The following RBFOX3 variants were observed in gnomAD, a reference collection of about 807,000 sequenced individuals.
The protein encoded by RBFOX3 is RNA binding protein fox-1 homolog 3.
A neutral mutation model predicts 48.7 loss-of-function variants in RBFOX3; 17 were observed. The ratio of observed to expected loss-of-function variants is 0.35; its 90% CI spans 0.24 to 0.52. The LOEUF (loss-of-function observed/expected upper bound fraction) is 0.52, where lower values mean the gene tolerates loss of function less well. RBFOX3 is among the 20% of genes least tolerant of loss of function. RBFOX3 has a pLI of 0.94. For missense variants in RBFOX3, 382 were observed against 497.5 expected, an observed-to-expected ratio of 0.77 and a Z score of 2.21; for synonymous variants, 212 against 209.5, an observed-to-expected ratio of 1.01 and a Z score of -0.10.
At chr17:79,099,876 C>G (rs1274834005) in intron 9 of RBFOX3, 1 of 152,254 alleles carries the variant, frequency 6.6e-6, no homozygotes, top group African/African-American at 2.4e-5. Flanking sequence ...CCACCCCCAA[C>G]TGATGAATTC....
chr17:79,101,387 G>A (rs1343030900), intron 9 of RBFOX3, among the ~76,000 whole-genome samples, 197 bp downstream of exon 9: 1 of 152,174 alleles, frequency 6.6e-6, no homozygotes. Context: ...AGGGGTGAGT[G>A]GCCCCCAGCT....
rs144808219 is a variant in RBFOX3, at chr17:79,231,958, G to A, written c.-34+3808C>T. Among the ~76,000 whole-genome samples the A allele has an allele frequency of 3.2e-3, 482 of 152,246 alleles. 3 individuals carry two copies. Among genetic ancestry groups the A allele is most frequent in the East Asian group, 0.015 (80 of 5,176 alleles). On this transcript the variant is annotated intron_variant, in intron 4 of 14. Transcript: ENST00000693108. ...AGTTGACTCACAGTTCCACATGGCC[G>A]GGGAGGCCTCAAGAAACTTACAATC...
chr17:79,146,376 A>T (rs1477532792), intron 4 of RBFOX3, among the ~76,000 whole-genome samples: 1 of 152,220 alleles, frequency 6.6e-6, no homozygotes, highest in East Asian at 1.9e-4. Flanking sequence ...AGGGGCCGGC[A>T]GGCCCCCGTT....
At chr17:79,255,222 C>CGTGTGTGTGT (rs142604866) in intron 3 of RBFOX3, among the ~76,000 whole-genome samples, 24 of 147,520 alleles carry the variant, frequency 1.6e-4, no homozygotes, top group African/African-American at 5.3e-4. Context: ...CACATGTGTG[C>CGTGTGTGTGT]GTGTGTGTGT....
At chr17:79,605,766 C>T (rs1400456357) in intron 1 of RBFOX3, among the ~76,000 whole-genome samples, 3 of 152,342 alleles carry the variant, frequency 2.0e-5, no homozygotes, top group Admixed American at 2.0e-4. Context: ...AAGTGCTTGG[C>T]TCTTGGTCCT....
intron 2 of RBFOX3, among the ~76,000 whole-genome samples, chr17:79,358,517 G>A (rs1419131085): frequency 5.3e-5 from 8 of 152,186 alleles, no homozygotes; most frequent in Non-Finnish European, 7.3e-5. Context: ...CTGGAGTGCA[G>A]TGGCATGATC....
At position 79,252,558 on chromosome 17, in the gene RBFOX3, A is replaced by C. The variant is rs111613700; in HGVS notation, c.-73-16753T>G. The stretch of plus-strand genomic sequence containing the variant: ...GGGAGGCAGTGGACTCTCCCTCGGA[A>C]ATGAGCTCTGATGGTTCCTCGATGG... On this transcript the variant is annotated intron_variant, in intron 3 of 14. Coordinates refer to ENST00000693108, the MANE Select transcript of RBFOX3 (RefSeq NM_001350451.2). This position sits in a 1 kb window ranked among gnomAD's most constrained non-coding sequence, Gnocchi z 4.0. Among the ~76,000 whole-genome samples the C allele has an allele frequency of 0.016, 2,417 of 152,286 alleles. 70 individuals are homozygous for C. The highest frequency in any genetic ancestry group is 0.055 in the African/African-American group (2,297 of 41,550).
At chr17:79,358,217 A>T (rs1385207265) in intron 2 of RBFOX3, among the ~76,000 whole-genome samples, 1 of 152,144 alleles carries the variant, frequency 6.6e-6, no homozygotes, top group Non-Finnish European at 1.5e-5. Context: ...AAGTGCTGGG[A>T]TTACAGGTGT....
At chr17:79,649,581 C>G in the RBFOX3 span, among the ~76,000 whole-genome samples, 1 of 152,206 alleles carries the variant, frequency 6.6e-6, no homozygotes, top group African/African-American at 2.4e-5. Context: ...TGGCGGAGGC[C>G]TGTAATCCCA....
chr17:79,533,723 CAG>C (rs1555788034), intron 1 of RBFOX3, among the ~76,000 whole-genome samples: 1 of 152,238 alleles, frequency 6.6e-6, no homozygotes, highest in African/African-American at 2.4e-5. Flanking sequence ...CATCTCTGGT[CAG>C]AGAGTCTGAG....
At position 79,252,333 on chromosome 17, in the gene RBFOX3, G is replaced by T. The variant is rs11077418; in HGVS notation, c.-73-16528C>A. Reference sequence around the variant, plus strand: ...CTCCCAGACTGCTCTGTCCCACATGGCTGAGGCTCAGGGTCTTCTCCCAGA... The same window carrying T: ...CTCCCAGACTGCTCTGTCCCACATGTCTGAGGCTCAGGGTCTTCTCCCAGA... On this transcript the variant is annotated intron_variant, in intron 3 of 14. Transcript: ENST00000693108. This position sits in a 1 kb window ranked among gnomAD's most constrained non-coding sequence, Gnocchi z 4.0. Among the ~76,000 whole-genome samples, 91,193 of 152,044 alleles carry T rather than the reference G, an allele frequency of 0.6. 29,654 individuals carry two copies. Among genetic ancestry groups the T allele is most frequent in the Middle Eastern group, 0.82 (238 of 292 alleles).
chr17:79,623,068 G>A, the RBFOX3 span, among the ~76,000 whole-genome samples: 4 of 152,096 alleles, frequency 2.6e-5, no homozygotes, highest in Non-Finnish European at 4.4e-5. Context: ...AGCCAGAAAC[G>A]TGCCCCAGCC....
chr17:79,319,435 A>T (rs55776700), intron 2 of RBFOX3, among the ~76,000 whole-genome samples: 135 of 152,336 alleles, frequency 8.9e-4, no homozygotes, highest in African/African-American at 3.0e-3. Flanking sequence ...GTGATGACCC[A>T]GGGCTCGGCC....
In RBFOX3 at chr17:79,254,216, G is replaced by C. The variant is rs1264559322; in HGVS notation, c.-73-18411C>G. On this transcript the variant is annotated intron_variant, in intron 3 of 14. Transcript: ENST00000693108. This position sits in a 1 kb window ranked among gnomAD's most constrained non-coding sequence, Gnocchi z 4.8. The stretch of plus-strand genomic sequence containing the variant: ...TCATGAGAGTGAAAGTGATTTTCCA[G>C]AAGGTTCTCAGATGTCCTGGCTTCA... 6.6e-6 allele frequency among the ~76,000 whole-genome samples: 1 copy of C among 152,204 alleles called. No individual in the cohort carries two copies. Among genetic ancestry groups the C allele is most frequent in the Non-Finnish European group, 1.5e-5 (1 of 68,028 alleles).
intron 2 of RBFOX3, among the ~76,000 whole-genome samples, chr17:79,445,805 G>T (rs1005738299): frequency 2.0e-5 from 3 of 152,332 alleles, no homozygotes; most frequent in Non-Finnish European, 4.4e-5. Flanking sequence ...GGGTTTGCAG[G>T]ACAGTCCCCA....
intron 4 of RBFOX3, among the ~76,000 whole-genome samples, chr17:79,155,748 TGGTG>T (rs2045638544): frequency 1.3e-5 from 2 of 151,466 alleles, no homozygotes; most frequent in African/African-American, 4.9e-5. Context: ...GGAGGGTGGG[TGGTG>T]GGAGTCCCCA....
intron 4 of RBFOX3, among the ~76,000 whole-genome samples, chr17:79,127,717 C>A (rs554429931): frequency 6.6e-6 from 1 of 152,290 alleles, no homozygotes; most frequent in African/African-American, 2.4e-5. Context: ...GAAAGATGTC[C>A]TGCCATGATT....
intron 2 of RBFOX3, among the ~76,000 whole-genome samples, chr17:79,414,573 G>A (rs1485941999): frequency 6.6e-6 from 1 of 152,176 alleles, no homozygotes; most frequent in Non-Finnish European, 1.5e-5. Flanking sequence ...TCCTAAGCCT[G>A]TGTCTGACTG....
At chr17:79,582,905 G>A (rs1205835652) in intron 1 of RBFOX3, among the ~76,000 whole-genome samples, 1 of 151,176 alleles carries the variant, frequency 6.6e-6, no homozygotes, top group Non-Finnish European at 1.5e-5. Flanking sequence ...TGAGGGCCTC[G>A]TTCAGGCCTG....
Sources: gnomAD v4.1 joint callset for allele counts (sites outside exome capture counted in the v4.1 genomes callset) on GRCh38, gnomAD v4.1.1 for gene constraint, Gnocchi (gnomAD v3.1) non-coding constraint, MANE v1.5 for transcripts, NCBI Gene and HGNC (gene_info 2026-07-23, HGNC 2026-07-21) for gene names.